RYR3: variants seen among roughly 807,000 people sequenced by gnomAD.
RYR3 encodes the protein brain ryanodine receptor-calcium release channel.
A neutral mutation model predicts 584.3 loss-of-function variants in RYR3; 207 were observed. That is an observed-to-expected ratio of 0.35 (90% CI 0.32 to 0.40). RYR3 has a LOEUF of 0.40. Ranked by LOEUF, RYR3 falls within the 10% of genes least tolerant of loss-of-function variation. RYR3 has a pLI of 1.00. For synonymous variants in RYR3, 2,416 were observed against 2,248.5 expected (o/e 1.07, Z -2.11); for missense variants, 5,616 against 6,089.2 (o/e 0.92, Z 2.59).
At chr15:33,598,278 G>A (rs1375297615) in intron 16 of RYR3, among the ~76,000 whole-genome samples, 9 of 132,120 alleles carry the variant, frequency 6.8e-5, no homozygotes, top group South Asian at 2.4e-4. Flanking sequence ...GGCCTTAGGA[G>A]AGAAAAACAA....
chr15:33,786,180 G>A (rs538658920), intron 66 of RYR3, among the ~76,000 whole-genome samples, 198 bp downstream of exon 66: 32 of 152,130 alleles, frequency 2.1e-4, no homozygotes, highest in Admixed American at 1.6e-3. Context: ...CAATGCTCCC[G>A]GCCCACTCCC....
At chr15:33,593,819 C>G (rs1169211729) in intron 16 of RYR3, among the ~76,000 whole-genome samples, 2 of 152,188 alleles carry the variant, frequency 1.3e-5, no homozygotes, top group East Asian at 1.9e-4. Flanking sequence ...TAATTTTTCT[C>G]TCTGCAGTTT....
intron 18 of RYR3, among the ~76,000 whole-genome samples, chr15:33,607,392 G>A (rs865821013): frequency 3.3e-5 from 5 of 152,184 alleles, no homozygotes; most frequent in African/African-American, 1.2e-4. Context: ...AGGTGGGCCT[G>A]AGCCTCCAAA....
At chr15:33,485,151 A>AT (rs1486171301) in intron 2 of RYR3, among the ~76,000 whole-genome samples, 1 of 152,258 alleles carries the variant, frequency 6.6e-6, no homozygotes, top group African/African-American at 2.4e-5. Flanking sequence ...GAATATAGTC[A>AT]TAGGGTAGAA....
At chr15:33,848,203 T>G (rs2078846945) in intron 93 of RYR3, 88 bp from the exon 94 acceptor site, 1 of 1,528,942 alleles carries the variant, frequency 6.5e-7, no homozygotes, top group Non-Finnish European at 9.0e-7. Context: ...TGCTCTGAAG[T>G]TGGAAGGTTA....
chr15:33,853,908 G>A (rs2079365933), intron 96 of RYR3, among the ~76,000 whole-genome samples: 1 of 152,140 alleles, frequency 6.6e-6, no homozygotes, highest in South Asian at 2.1e-4. Flanking sequence ...AAAATTTCAG[G>A]TTGGGCTGGG....
rs1972365622 is a variant in RYR3, at chr15:33,345,650, C to T, written c.51+34554C>T. Among the ~76,000 whole-genome samples the T allele has an allele frequency of 2.6e-5, 4 of 152,256 alleles. 1 individual carries two copies. In the South Asian group the frequency reaches 8.3e-4, roughly 32 times the overall value. On this transcript the variant is annotated intron_variant, in intron 1 of 103. Transcript: ENST00000634891. The stretch of plus-strand genomic sequence containing the variant: ...TACAGACTTTGTATTCTGGGTCCAG[C>T]CTGGGTCCCAGCAGAGCAGAAGGAG...
In RYR3 at chr15:33,860,620, G is replaced by A. The variant is rs757798737; in HGVS notation, c.14325G>A (p.Glu4775=). The change falls in exon 101 of 104, where the codon GAG becomes GAA. Residue 4775 remains glutamate (E), a synonymous_variant. Coordinates refer to ENST00000634891, the MANE Select transcript of RYR3 (RefSeq NM_001036.6). ...IQGLIIDAFG[E]LRDQQEQVRE... is the part of the protein sequence containing the mutation. The stretch of plus-strand genomic sequence containing the variant: ...GTCTTATTATTGATGCTTTCGGAGA[G>A]CTAAGAGACCAGCAGGAACAAGTAC... The A allele has an allele frequency of 7.5e-6, 12 of 1,593,354 alleles. No homozygotes were observed.
intron 81 of RYR3, among the ~76,000 whole-genome samples, chr15:33,825,105 G>C (rs2077308410): frequency 6.6e-6 from 1 of 152,212 alleles, no homozygotes; most frequent in Non-Finnish European, 1.5e-5. Flanking sequence ...TCATAAAAGG[G>C]CGTGGCCCTT....
Position 33,699,900 on chromosome 15 carries a change from A to G in RYR3, c.6379+67A>G, listed in dbSNP as rs555280031. The G allele has an allele frequency of 2.9e-4, 435 of 1,511,214 alleles. 3 individuals are homozygous for G. The highest frequency in any genetic ancestry group is 1.6e-3 in the East Asian group (71 of 43,580). 93.6% of individuals were successfully genotyped at this position (1,511,214 alleles called of 1,614,324 possible). A position where few individuals can be genotyped will look rare whatever the true frequency, so the allele number is the denominator to read the frequency against. On this transcript the variant is annotated intron_variant, in intron 41 of 103. Coordinates refer to ENST00000634891, the MANE Select transcript of RYR3 (RefSeq NM_001036.6). ...GTTACACTCCCCCTTTTGACCACTT[A>G]GGAAAATACAGGGAAAGGAGCCACA...
rs528332604 is a variant in RYR3 at position 33,730,157 on chromosome 15, G to C, written c.7203+1131G>C. Among the ~76,000 whole-genome samples, 5 of 121,092 alleles carry C rather than the reference G, an allele frequency of 4.1e-5. No individual in the cohort carries two copies. In the East Asian group the frequency reaches 1.2e-3, roughly 29 times the overall value. 79.4% of individuals were successfully genotyped at this position (121,092 alleles called of 152,430 possible). On this transcript the variant is annotated intron_variant, in intron 47 of 103. Transcript: ENST00000634891. Reference sequence around the variant, plus strand: ...TAATTAAAACAATGCTTCTGCCACTGCTGTTGTTTTGAACTTTTCTATAAA... The same window carrying C: ...TAATTAAAACAATGCTTCTGCCACTCCTGTTGTTTTGAACTTTTCTATAAA...
At chr15:33,526,240 A>C (rs1362722442) in intron 3 of RYR3, among the ~76,000 whole-genome samples, 3 of 152,196 alleles carry the variant, frequency 2.0e-5, no homozygotes, top group African/African-American at 7.2e-5. Flanking sequence ...CAGTAATGGA[A>C]ATTAATTCTG....
chr15:33,400,145 T>C (rs2042555723), intron 1 of RYR3, among the ~76,000 whole-genome samples: 1 of 152,220 alleles, frequency 6.6e-6, no homozygotes, highest in Non-Finnish European at 1.5e-5. Context: ...TCCTTTTGTG[T>C]CTGGCTTCTT....
At chr15:33,435,226 TAG>T (rs775324651) in intron 1 of RYR3, among the ~76,000 whole-genome samples, 1 of 152,156 alleles carries the variant, frequency 6.6e-6, no homozygotes, top group Non-Finnish European at 1.5e-5. Flanking sequence ...GTATTAAGCC[TAG>T]AACCACCCAT....
At chr15:33,549,698 TTGTC>T (rs2056529134) in intron 9 of RYR3, among the ~76,000 whole-genome samples, 5 of 152,352 alleles carry the variant, frequency 3.3e-5, no homozygotes, top group South Asian at 2.1e-4. Context: ...TTGTCTCTCT[TTGTC>T]TGGCAAGTGT....
chr15:33,794,325 T>A lies in RYR3; in HGVS notation c.9830+5867T>A, dbSNP rs1337373076. 2.9e-4 allele frequency among the ~76,000 whole-genome samples: 9 copies of A among 31,390 alleles called. No homozygotes were observed. In the East Asian group the frequency reaches 0.057, roughly 198 times the overall value. The allele number at this position is 31,390 out of a possible 152,430, so 20.6% of individuals were successfully genotyped here. A position where few individuals can be genotyped will look rare whatever the true frequency, so the allele number is the denominator to read the frequency against. On this transcript the variant is annotated intron_variant, in intron 67 of 103. Coordinates refer to ENST00000634891, the MANE Select transcript of RYR3 (RefSeq NM_001036.6). ...TATATATTTTTATATATATATATTT[T>A]TATATATGTTTATATATATAAAAAT...
intron 2 of RYR3, among the ~76,000 whole-genome samples, chr15:33,475,059 T>C (rs947247503): frequency 6.6e-6 from 1 of 152,190 alleles, no homozygotes; most frequent in African/African-American, 2.4e-5. Flanking sequence ...TTTTTTGTTT[T>C]GCTTTGTTTT....
chr15:33,580,557 T>A (rs1026299076), intron 13 of RYR3, among the ~76,000 whole-genome samples: 1 of 152,162 alleles, frequency 6.6e-6, no homozygotes, highest in East Asian at 1.9e-4. Flanking sequence ...CAGAAGACGC[T>A]GTCTTATGTC....
At chr15:33,819,549 C>T (rs1158490947) in intron 76 of RYR3, among the ~76,000 whole-genome samples, 3 of 151,652 alleles carry the variant, frequency 2.0e-5, no homozygotes, top group African/African-American at 7.3e-5. Flanking sequence ...TGGCAGGCAC[C>T]TGTAATCCCA....
Sources: gnomAD v4.1 joint callset for allele counts (sites outside exome capture counted in the v4.1 genomes callset) on GRCh38, gnomAD v4.1.1 for gene constraint, MANE v1.5 for transcripts, NCBI Gene and HGNC (gene_info 2026-07-23, HGNC 2026-07-21) for gene names.